MYO18B: variants seen among roughly 807,000 people sequenced by gnomAD.
MYO18B encodes myosin XVIIIB, also known as unconventional myosin-XVIIIb.
MYO18B carries 204 observed loss-of-function variants against 273.0 expected under a neutral mutation model. The ratio of observed to expected loss-of-function variants is 0.75; its 90% CI spans 0.67 to 0.84. The LOEUF (loss-of-function observed/expected upper bound fraction) is 0.84. Among genes scored for constraint, MYO18B ranks in the 40% least tolerant of loss-of-function variants. The pLI is 0.00. For missense variants in MYO18B, 3,212 were observed against 3,287.6 expected (o/e 0.98, Z 0.56); for synonymous variants, 1,330 against 1,305.7 (o/e 1.02, Z -0.40).
chr22:26,003,237 A>G (rs1346352505), intron 40 of MYO18B, 28 bp from the exon 41 acceptor site: 13 of 1,599,524 alleles, frequency 8.1e-6, no homozygotes, highest in African/African-American at 1.3e-5. Flanking sequence ...CACGAGGATA[A>G]CACACTCTTT....
rs114386459 is a variant in MYO18B, at chr22:25,786,162, G to T, written c.2376+671G>T. Among the ~76,000 whole-genome samples, 184 of 152,314 alleles carry T rather than the reference G, an allele frequency of 1.2e-3. 1 individual carries two copies. The highest frequency in any genetic ancestry group is 3.1e-3 in the South Asian group (15 of 4,828). On this transcript the variant is annotated intron_variant, in intron 11 of 43. Coordinates refer to ENST00000335473, the MANE Select transcript of MYO18B (RefSeq NM_032608.7). ...ATGCTGGGCCTGTGTTGTGTTAGGTGTATGTTCCTGCTGAGTGCTAGGAGT... is the reference window on the plus strand; with the variant it reads ...ATGCTGGGCCTGTGTTGTGTTAGGTTTATGTTCCTGCTGAGTGCTAGGAGT...
chr22:26,035,574 T>C (rs1394786245), downstream of MYO18B, among the ~76,000 whole-genome samples: 3 of 152,216 alleles, frequency 2.0e-5, no homozygotes, highest in African/African-American at 7.2e-5. Flanking sequence ...AAGCAATGAA[T>C]TCCTGATCGG....
Position 26,027,689 on chromosome 22 carries a change from A to G in MYO18B, c.*11A>G, listed in dbSNP as rs367926271. On this transcript the variant is annotated splice_region_variant and 3_prime_UTR_variant, in exon 43 of 44. Coordinates refer to ENST00000335473, the MANE Select transcript of MYO18B (RefSeq NM_032608.7). The surrounding 1 kb of genome is among the most constrained non-coding windows in gnomAD (Gnocchi z 4.1). ...TACCTCCAGAAGTAGGAACCAGTTC[A>G]GGTAAAAGCAACAGGCTGGGGCTAT... is the stretch of plus-strand genomic sequence containing the variant. 1.5e-5 allele frequency: 24 copies of G among 1,598,144 alleles called. No homozygotes were observed. In the African/African-American group the frequency reaches 2.7e-4, roughly 18 times the overall value.
the MYO18B span, among the ~76,000 whole-genome samples, chr22:26,037,487 A>C: frequency 2.4e-4 from 37 of 151,850 alleles, no homozygotes; most frequent in African/African-American, 8.4e-4. Context: ...TAAGACAGTC[A>C]CTCTGACCCC....
intron 22 of MYO18B, 58 bp from the exon 23 acceptor site, chr22:25,874,228 C>CCCG (rs2091128638): frequency 1.2e-6 from 2 of 1,604,940 alleles, no homozygotes; most frequent in East Asian, 2.2e-5. Context: ...CAAGCACCCC[C>CCCG]CCATTGTAGA....
Position 25,763,301 on chromosome 22 carries a change from T to A in MYO18B, c.110T>A (p.Phe37Tyr). The part of the protein sequence containing the change: ...PPLFSVIPGG[F>Y]IKQLVRGTEK... ...CTTTTCTCTGTCATCCCAGGGGGCT[T>A]CATTAAGCAACTGGTCCGGGGGACT... The change falls in exon 3 of 44, where the codon TTC becomes TAC. Residue 37 changes from phenylalanine (F) to tyrosine (Y), a missense_variant. Transcript: ENST00000335473. The A allele has an allele frequency of 1.2e-6, 2 of 1,613,172 alleles. No homozygotes were observed. The highest frequency in any genetic ancestry group is 2.2e-5 in the South Asian group (2 of 90,994).
In MYO18B at chr22:25,768,903, C is replaced by T. The variant is rs763609726; in HGVS notation, c.987C>T (p.Asp329=). Residue 329 remains aspartate, a synonymous_variant, in exon 4 of 44, where the codon GAC becomes GAT. Coordinates refer to ENST00000335473, the MANE Select transcript of MYO18B (RefSeq NM_032608.7). The part of the protein sequence containing the change: ...GGFLGRRSKW[D]GPQNKKDKEG... Reference sequence around the variant, plus strand: ...TCCTGGGAAGAAGGAGTAAGTGGGACGGTCCCCAGAATAAGAAGGACAAAG... The same window carrying T: ...TCCTGGGAAGAAGGAGTAAGTGGGATGGTCCCCAGAATAAGAAGGACAAAG... 1.2e-4 allele frequency: 189 copies of T among 1,612,646 alleles called. 1 individual carries two copies. The South Asian group carries it at 1.8e-3, about 15-fold the overall frequency.
intron 27 of MYO18B, chr22:25,894,779 C>G (rs2091757818): frequency 6.2e-6 from 1 of 161,648 alleles, no homozygotes; most frequent in Non-Finnish European, 1.4e-5. Flanking sequence ...GTAGGGAACT[C>G]TTCCAGAGGG....
chr22:25,909,667 G>C (rs530299781), intron 32 of MYO18B, among the ~76,000 whole-genome samples: 2 of 152,314 alleles, frequency 1.3e-5, no homozygotes, highest in South Asian at 4.2e-4. Context: ...CTCTCCTGAG[G>C]CTTTTCTCTG....
rs368713982 is a variant in MYO18B, at chr22:25,851,583, G to A, written c.3885+4G>A. 1.3e-6 allele frequency: 2 copies of A among 1,546,416 alleles called. No homozygotes were observed. The highest frequency in any genetic ancestry group is 1.8e-6 in the Non-Finnish European group (2 of 1,141,396). On this transcript the variant is annotated splice_donor_region_variant and intron_variant, in intron 21 of 43. Coordinates refer to ENST00000335473, the MANE Select transcript of MYO18B (RefSeq NM_032608.7). ...CGAGGGAATAGATGAAAGGAAGGTA[G>A]GTGGAGCACATGCGAGAGGGGTGAA...
chr22:25,943,913 G>A (rs1444584408), intron 34 of MYO18B, among the ~76,000 whole-genome samples: 2 of 151,734 alleles, frequency 1.3e-5, no homozygotes, highest in African/African-American at 2.4e-5. Context: ...ATAGAGATGG[G>A]GTTTCACCAT....
At chr22:25,865,082 A>G (rs2090847475) in intron 21 of MYO18B, among the ~76,000 whole-genome samples, 1 of 152,248 alleles carries the variant, frequency 6.6e-6, no homozygotes, top group South Asian at 2.1e-4. Context: ...GTAACGTTAA[A>G]TGGGGATAAA....
At chr22:26,035,355 G>A (rs1375434629), downstream of MYO18B, among the ~76,000 whole-genome samples, 1 of 152,190 alleles carries the variant, frequency 6.6e-6, no homozygotes, top group Admixed American at 6.5e-5. Context: ...AGAGACTCCT[G>A]CTGTCAGGGA....
intron 21 of MYO18B, among the ~76,000 whole-genome samples, chr22:25,853,581 A>C (rs1296033944): frequency 6.6e-6 from 1 of 152,164 alleles, no homozygotes; most frequent in Non-Finnish European, 1.5e-5. Flanking sequence ...ATTTGACTTC[A>C]TTCAGAGGGG....
chr22:25,823,674 C>G lies in MYO18B; in HGVS notation c.2691C>G (p.Ser897Arg). The change falls in exon 13 of 44, where the codon AGC becomes AGG. Residue 897 changes from serine to arginine, a missense_variant. Coordinates refer to ENST00000335473, the MANE Select transcript of MYO18B (RefSeq NM_032608.7). ...SRWGLEDEET[S>R]SGLKMTGVDC... ...GGGGCCTCGAGGATGAGGAAACCAG[C>G]TCAGGTACATGGCTGCTGCCTCTTT... 1 of 1,613,960 alleles carries G rather than the reference C, an allele frequency of 6.2e-7. No individual in the cohort carries two copies. The highest frequency in any genetic ancestry group is 1.7e-4 in the Middle Eastern group (1 of 6,060).
intron 39 of MYO18B, among the ~76,000 whole-genome samples, chr22:25,959,476 A>G (rs1249123144): frequency 6.6e-6 from 1 of 151,932 alleles, no homozygotes; most frequent in African/African-American, 2.4e-5. Flanking sequence ...GGGTCTCACT[A>G]CTTTGACCAG....
rs73879586 is a variant in MYO18B, at chr22:25,895,836, G to A, written c.4668+556G>A. ...TCTCATGTTGGATTTTTTTCCTTGT[G>A]TGTTTTGTAAATTTCGTTTTTGAGC... On this transcript the variant is annotated intron_variant, in intron 28 of 43. Coordinates refer to ENST00000335473, the MANE Select transcript of MYO18B (RefSeq NM_032608.7). Among the ~76,000 whole-genome samples, 331 of 151,788 alleles carry A rather than the reference G, an allele frequency of 2.2e-3. 1 individual carries two copies. The highest frequency in any genetic ancestry group is 7.5e-3 in the African/African-American group (309 of 41,372).
At chr22:25,869,350 C>A (rs1216405420) in intron 22 of MYO18B, among the ~76,000 whole-genome samples, 1 of 149,150 alleles carries the variant, frequency 6.7e-6, no homozygotes, top group African/African-American at 2.5e-5. Flanking sequence ...CTTGGGAGGC[C>A]GAGGCAGGAG....
intron 12 of MYO18B, among the ~76,000 whole-genome samples, chr22:25,810,849 G>A (rs1040267585): frequency 2.0e-5 from 3 of 152,038 alleles, no homozygotes; most frequent in Admixed American, 1.3e-4. Context: ...GATATCTTGT[G>A]ATGAACCAAT....
Sources: allele counts gnomAD v4.1 joint callset (sites outside exome capture counted in the v4.1 genomes callset), GRCh38; gene constraint gnomAD v4.1.1; non-coding constraint Gnocchi (gnomAD v3.1); transcripts MANE v1.5; gene names NCBI Gene and HGNC (gene_info 2026-07-23, HGNC 2026-07-21).